Variants in RIMS2 observed in about 807,000 individuals in gnomAD.
RIMS2 encodes regulating synaptic membrane exocytosis protein 2.
In RIMS2, 59 loss-of-function variants were observed where a neutral mutation model predicts 174.4. The observed-to-expected ratio is 0.34, with a 90% CI of 0.27 to 0.42. The LOEUF (loss-of-function observed/expected upper bound fraction) is 0.42, where lower values mean the gene tolerates loss of function less well. Among genes scored for constraint, RIMS2 ranks in the 10% least tolerant of loss-of-function variants. The probability of loss-of-function intolerance (pLI) is 1.00; values close to 1 mark genes in which losing one functional copy is unlikely to be tolerated. For synonymous variants in RIMS2, 606 were observed against 572.5 expected, an observed-to-expected ratio of 1.06 and a Z score of -0.84; for missense variants, 1,620 against 1,666.3, an observed-to-expected ratio of 0.97 and a Z score of 0.48.
intron 1 of RIMS2, among the ~76,000 whole-genome samples, chr8:103,692,138 C>T (rs2097034159): frequency 6.6e-6 from 1 of 152,166 alleles, no homozygotes; most frequent in African/African-American, 2.4e-5. Flanking sequence ...ACCAATGAGA[C>T]TGCGCTGGGT....
intron 1 of RIMS2, among the ~76,000 whole-genome samples, chr8:103,531,657 C>T (rs1341314667): frequency 6.6e-6 from 1 of 152,060 alleles, no homozygotes; most frequent in African/African-American, 2.4e-5. Context: ...GAATATGACT[C>T]ATAAAAAATA....
chr8:104,245,532 T>C (rs2099326685), intron 20 of RIMS2, among the ~76,000 whole-genome samples: 1 of 152,172 alleles, frequency 6.6e-6, no homozygotes, highest in Non-Finnish European at 1.5e-5. Context: ...CAAAAAGAAA[T>C]GCCACCAAAA....
intron 17 of RIMS2, among the ~76,000 whole-genome samples, chr8:104,009,442 T>G (rs1187279590): frequency 6.6e-6 from 1 of 151,858 alleles, no homozygotes; most frequent in Admixed American, 6.6e-5. Flanking sequence ...TATAGGTGTT[T>G]GCCACCACAC....
intron 1 of RIMS2, among the ~76,000 whole-genome samples, chr8:103,608,533 C>T (rs1271712106): frequency 7.1e-6 from 1 of 141,194 alleles, no homozygotes; most frequent in Non-Finnish European, 1.6e-5. Flanking sequence ...GTTCGAGCTT[C>T]CCGCTGCTTT....
At chr8:103,927,088 A>G (rs934089376) in intron 10 of RIMS2, among the ~76,000 whole-genome samples, 16 of 151,578 alleles carry the variant, frequency 1.1e-4, no homozygotes, top group African/African-American at 3.9e-4. Flanking sequence ...AACTTACAAT[A>G]AACTGTCAAT....
At chr8:103,942,223 C>A (rs956101602) in intron 13 of RIMS2, among the ~76,000 whole-genome samples, 1 of 152,146 alleles carries the variant, frequency 6.6e-6, no homozygotes, top group African/African-American at 2.4e-5. Context: ...TTAGCTCCCA[C>A]TTAAAAGTGA....
intron 2 of RIMS2, among the ~76,000 whole-genome samples, chr8:103,759,683 C>A (rs1320545156): frequency 6.6e-6 from 1 of 151,600 alleles, no homozygotes; most frequent in South Asian, 2.1e-4. Flanking sequence ...ATGTCCCAGA[C>A]ATGACACCTA....
At chr8:103,840,172 G>A (rs564136096) in intron 3 of RIMS2, among the ~76,000 whole-genome samples, 3 of 152,250 alleles carry the variant, frequency 2.0e-5, no homozygotes, top group East Asian at 3.9e-4. Flanking sequence ...TCAGGAACCT[G>A]TTAATTATTT....
At chr8:103,591,626 T>C (rs538450135) in intron 1 of RIMS2, among the ~76,000 whole-genome samples, 33 of 151,358 alleles carry the variant, frequency 2.2e-4, no homozygotes, top group African/African-American at 7.7e-4. Context: ...AAAAATTTTT[T>C]CCATATGGAT....
chr8:104,155,611 C>T (rs1330154626), intron 19 of RIMS2, among the ~76,000 whole-genome samples: 1 of 151,324 alleles, frequency 6.6e-6, no homozygotes, highest in African/African-American at 2.4e-5. Context: ...GATGGGGTTT[C>T]ACCGTGTTAG....
intron 3 of RIMS2, among the ~76,000 whole-genome samples, chr8:103,874,664 G>A (rs957017006): frequency 9.9e-5 from 15 of 151,978 alleles, no homozygotes; most frequent in East Asian, 5.8e-4. Flanking sequence ...TTAAAAACAC[G>A]TAATTTGGAG....
At position 103,961,150 on chromosome 8, in the gene RIMS2, T is replaced by C. The variant is rs35964420; in HGVS notation, c.2770+17T>C. ...TAGTATCAGGTAAGAATTTTAGAAT[T>C]ATTTTATAGTATTAAAAAGGGAGTG... is the stretch of plus-strand genomic sequence containing the variant. On this transcript the variant is annotated intron_variant, in intron 15 of 23. Transcript: ENST00000504942. 9.3e-7 allele frequency: 1 copy of C among 1,076,224 alleles called. No homozygotes were observed. The highest frequency in any genetic ancestry group is 2.4e-5 in the East Asian group (1 of 42,210). The allele number at this position is 1,076,224 out of a possible 1,614,324, so 66.7% of individuals were successfully genotyped here.
intron 1 of RIMS2, among the ~76,000 whole-genome samples, chr8:103,582,181 G>A (rs1469586080): frequency 6.6e-6 from 1 of 152,046 alleles, no homozygotes; most frequent in Admixed American, 6.5e-5. Flanking sequence ...ACACATCCTG[G>A]GCCAGGATGG....
At chr8:103,617,166 A>G (rs1362256598) in intron 1 of RIMS2, among the ~76,000 whole-genome samples, 1 of 152,214 alleles carries the variant, frequency 6.6e-6, no homozygotes, top group Non-Finnish European at 1.5e-5. Flanking sequence ...ATGTGAAAAG[A>G]GGCACATAGA....
intron 1 of RIMS2, among the ~76,000 whole-genome samples, chr8:103,535,816 G>A (rs1255299885): frequency 2.6e-5 from 4 of 152,186 alleles, no homozygotes; most frequent in Admixed American, 1.3e-4. Flanking sequence ...AGTTCAGAAG[G>A]AGCTAACATG....
chr8:103,513,671 A>G (rs2469975), intron 1 of RIMS2, among the ~76,000 whole-genome samples: 54,751 of 151,988 alleles, frequency 0.36, 10,552 homozygotes, highest in East Asian at 0.77. Context: ...TTAAGGAAGT[A>G]TGGGTGTGTG....
At chr8:104,027,951 G>C (rs116364776) in intron 19 of RIMS2, among the ~76,000 whole-genome samples, 1,721 of 152,092 alleles carry the variant, frequency 0.011, 39 homozygotes, top group African/African-American at 0.039. Flanking sequence ...ATTTTATTTA[G>C]AGAAAGGGTC....
At chr8:103,612,350 G>A (rs1021750335) in intron 1 of RIMS2, among the ~76,000 whole-genome samples, 6 of 152,150 alleles carry the variant, frequency 3.9e-5, no homozygotes, top group Non-Finnish European at 8.8e-5. Flanking sequence ...GCTTGTAGAT[G>A]TTTGTTGGTC....
At chr8:103,609,376 C>A (rs2095283827) in intron 1 of RIMS2, among the ~76,000 whole-genome samples, 1 of 152,008 alleles carries the variant, frequency 6.6e-6, no homozygotes, top group South Asian at 2.1e-4. Flanking sequence ...TTCTATTTGC[C>A]AATGTTTGTT....
Sources: gnomAD v4.1 joint callset for allele counts (sites outside exome capture counted in the v4.1 genomes callset) on GRCh38, gnomAD v4.1.1 for gene constraint, MANE v1.5 for transcripts, NCBI Gene and HGNC (gene_info 2026-07-23, HGNC 2026-07-21) for gene names.